CMBL: variants seen among roughly 807,000 people sequenced by gnomAD.
CMBL encodes carboxymethylenebutenolidase homolog.
CMBL carries 17 observed loss-of-function variants against 28.7 expected under a neutral mutation model. The ratio of observed to expected loss-of-function variants is 0.59; its 90% CI spans 0.41 to 0.89. CMBL has a LOEUF of 0.89. CMBL is among the 40% of genes least tolerant of loss of function. The probability of loss-of-function intolerance (pLI) is 0.00; values close to 1 mark genes in which losing one functional copy is unlikely to be tolerated. For synonymous variants in CMBL, 106 were observed against 101.6 expected (o/e 1.04, Z -0.26); for missense variants, 310 against 298.5 (o/e 1.04, Z -0.28).
chr5:10,306,801 G>A (rs957471429), intron 1 of CMBL, among the ~76,000 whole-genome samples: 6 of 152,188 alleles, frequency 3.9e-5, no homozygotes, highest in Non-Finnish European at 5.9e-5. Context: ...CTACCTGGAT[G>A]AGCCCACAAT....
rs763626402 is a variant in CMBL at position 10,278,435 on chromosome 5, C to T, written c.*2018G>A. The stretch of plus-strand genomic sequence containing the variant: ...GGACCATGCCGATATCCTACCCACA[C>T]CGACCCCTCTCAGTCACAGCGTGAG... On this transcript the variant is annotated 3_prime_UTR_variant, in exon 6 of 6. Coordinates refer to ENST00000296658, the MANE Select transcript of CMBL (RefSeq NM_138809.4). 6.6e-6 allele frequency among the ~76,000 whole-genome samples: 1 copy of T among 152,146 alleles called. No individual in the cohort carries two copies. The highest frequency in any genetic ancestry group is 1.9e-4 in the East Asian group (1 of 5,172).
chr5:10,299,867 C>T (rs1413395030), intron 1 of CMBL, among the ~76,000 whole-genome samples: 1 of 152,092 alleles, frequency 6.6e-6, no homozygotes, highest in Non-Finnish European at 1.5e-5. Context: ...GAAATTTGCA[C>T]ATGCCCACAC....
chr5:10,302,151 C>A (rs1286833956), intron 1 of CMBL, among the ~76,000 whole-genome samples: 1 of 152,212 alleles, frequency 6.6e-6, no homozygotes, highest in Non-Finnish European at 1.5e-5. Flanking sequence ...AGTTTCTACC[C>A]TGGCAAGTCT....
chr5:10,285,700 C>CATT (rs1746587881), intron 4 of CMBL, among the ~76,000 whole-genome samples: 1 of 133,706 alleles, frequency 7.5e-6, no homozygotes, highest in Non-Finnish European at 1.6e-5. Flanking sequence ...CTTTCTTTTT[C>CATT]TTTTTTTTTT....
At chr5:10,304,172 G>A (rs1418986087) in intron 1 of CMBL, among the ~76,000 whole-genome samples, 1 of 151,102 alleles carries the variant, frequency 6.6e-6, no homozygotes, top group Non-Finnish European at 1.5e-5. Flanking sequence ...ACCTGCCTGG[G>A]CAACACAGGG....
chr5:10,298,541 A>G (rs1746845007), intron 1 of CMBL, among the ~76,000 whole-genome samples: 1 of 152,234 alleles, frequency 6.6e-6, no homozygotes, highest in Non-Finnish European at 1.5e-5. Context: ...TAGATGCATC[A>G]TGATATCATG....
chr5:10,283,170 C>A (rs1746530839), intron 4 of CMBL, among the ~76,000 whole-genome samples: 2 of 152,004 alleles, frequency 1.3e-5, no homozygotes, highest in Admixed American at 1.3e-4. Flanking sequence ...TACCTCCCCA[C>A]TTTATGGACT....
chr5:10,300,283 T>C (rs889351030), intron 1 of CMBL, among the ~76,000 whole-genome samples: 4 of 152,138 alleles, frequency 2.6e-5, no homozygotes, highest in African/African-American at 9.7e-5. Flanking sequence ...CACCAGACGC[T>C]GGAATAGGCA....
chr5:10,295,270 G>A (rs1052387834), intron 1 of CMBL, among the ~76,000 whole-genome samples: 3 of 152,136 alleles, frequency 2.0e-5, no homozygotes, highest in African/African-American at 7.2e-5. Context: ...TTTTAATAGA[G>A]ACGGGGTTTC....
intron 3 of CMBL, among the ~76,000 whole-genome samples, chr5:10,286,934 T>C (rs894073777): frequency 2.0e-5 from 3 of 152,164 alleles, no homozygotes; most frequent in African/African-American, 7.2e-5. Flanking sequence ...TGAGCAGCCA[T>C]AACTATGGGC....
At chr5:10,298,012 AT>A (rs2126559269) in intron 1 of CMBL, among the ~76,000 whole-genome samples, 1 of 152,142 alleles carries the variant, frequency 6.6e-6, no homozygotes, top group African/African-American at 2.4e-5. Flanking sequence ...AGAAGTACGT[AT>A]GGCTGTTTCC....
chr5:10,283,645 G>A (rs1203312551), intron 4 of CMBL, among the ~76,000 whole-genome samples: 1 of 152,132 alleles, frequency 6.6e-6, no homozygotes, highest in East Asian at 1.9e-4. Context: ...GGGTGTTGTA[G>A]CCCCAGCTAC....
intron 1 of CMBL, among the ~76,000 whole-genome samples, chr5:10,305,537 A>G (rs1746987515): frequency 6.7e-6 from 1 of 148,214 alleles, no homozygotes; most frequent in South Asian, 2.2e-4. Context: ...ACACATCAAA[A>G]CCCATGGGGA....
chr5:10,295,066 T>A (rs1251434956), intron 1 of CMBL, among the ~76,000 whole-genome samples: 2 of 151,618 alleles, frequency 1.3e-5, no homozygotes, highest in African/African-American at 4.9e-5. Flanking sequence ...CCTGTATTGA[T>A]GAATTCATCT....
chr5:10,299,309 G>C (rs777519667), intron 1 of CMBL, among the ~76,000 whole-genome samples: 1 of 152,092 alleles, frequency 6.6e-6, no homozygotes, highest in Non-Finnish European at 1.5e-5. Flanking sequence ...ATAAACATAT[G>C]AACAGATATT....
At chr5:10,293,831 G>T (rs1746765607) in intron 1 of CMBL, among the ~76,000 whole-genome samples, 2 of 152,214 alleles carry the variant, frequency 1.3e-5, no homozygotes, top group South Asian at 4.1e-4. Context: ...CTGACCTCAG[G>T]AAGCACATTC....
intron 4 of CMBL, 134 bp downstream of exon 4, chr5:10,286,218 TAA>T: frequency 1.1e-6 from 1 of 874,050 alleles, no homozygotes; most frequent in Non-Finnish European, 1.7e-6. Context: ...TTCAGATTCT[TAA>T]AACCCATTTC....
chr5:10,287,581 T>C (rs888250536), intron 3 of CMBL, among the ~76,000 whole-genome samples: 2 of 152,216 alleles, frequency 1.3e-5, no homozygotes, highest in African/African-American at 2.4e-5. Flanking sequence ...TCTATTTTCA[T>C]AGATGGTGCT....
intron 1 of CMBL, among the ~76,000 whole-genome samples, chr5:10,306,358 C>G (rs771837519): frequency 6.6e-5 from 10 of 151,896 alleles, no homozygotes; most frequent in Non-Finnish European, 1.2e-4. Context: ...AGCCTGAGCC[C>G]GGAGGGGGCA....
Sources: gnomAD v4.1 joint callset for allele counts (sites outside exome capture counted in the v4.1 genomes callset) on GRCh38, gnomAD v4.1.1 for gene constraint, MANE v1.5 for transcripts, NCBI Gene and HGNC (gene_info 2026-07-23, HGNC 2026-07-21) for gene names.